IQGAP1: variants seen among roughly 807,000 people sequenced by gnomAD.
The protein encoded by IQGAP1 is IQ motif containing GTPase activating protein 1.
IQGAP1 carries 66 observed loss-of-function variants against 215.6 expected under a neutral mutation model. The observed-to-expected ratio is 0.31, with a 90% CI of 0.25 to 0.38. The LOEUF is 0.38. IQGAP1 is among the 10% of genes least tolerant of loss of function. The pLI, the probability that IQGAP1 is intolerant of heterozygous loss-of-function variation, is 1.00. For missense variants in IQGAP1, 1,712 were observed against 1,997.1 expected (o/e 0.86, Z 2.72); for synonymous variants, 772 against 728.7 (o/e 1.06, Z -0.96).
chr15:90,442,451 GAA>G (rs60524564), intron 8 of IQGAP1, among the ~76,000 whole-genome samples: 124 of 149,558 alleles, frequency 8.3e-4, no homozygotes, highest in African/African-American at 2.7e-3. Flanking sequence ...TCTCGGGGGG[GAA>G]AAAAAAAACT....
rs1231874145 is a variant in IQGAP1 at position 90,422,656 on chromosome 15, A to ATATG, written c.156-3450_156-3447dup. Among the ~76,000 whole-genome samples the ATATG allele has an allele frequency of 4.4e-5, 3 of 67,472 alleles. 1 individual carries two copies. In the East Asian group the frequency reaches 2.3e-3, roughly 52 times the overall value. The allele number at this position is 67,472 out of a possible 152,430, so 44.3% of individuals were successfully genotyped here. The stretch of plus-strand genomic sequence containing the variant: ...TATATATATGTATATGTATATATAT[A>ATATG]TATGTATATATATATATATATATAA... On this transcript the variant is annotated intron_variant, in intron 2 of 37. Coordinates refer to ENST00000268182, the MANE Select transcript of IQGAP1 (RefSeq NM_003870.4).
At position 90,428,062 on chromosome 15, in the gene IQGAP1, TGTTG is replaced by T. The variant is rs551674250; in HGVS notation, c.313-1511_313-1508del. Among the ~76,000 whole-genome samples, 9 of 152,178 alleles carry T rather than the reference TGTTG, an allele frequency of 5.9e-5. No individual in the cohort carries two copies. The South Asian group carries it at 1.2e-3, about 21-fold the overall frequency. ...TATATGTTCAGTGGGTTTTTTTTGT[TGTTG>T]GTTGGTTGGTTGGTTTTTGTTTTGA... On this transcript the variant is annotated intron_variant, in intron 3 of 37. Transcript: ENST00000268182.
intron 15 of IQGAP1, among the ~76,000 whole-genome samples, chr15:90,462,231 A>G (rs1965774203): frequency 1.3e-5 from 2 of 152,354 alleles, no homozygotes; most frequent in East Asian, 1.9e-4. Flanking sequence ...TTATGCACAC[A>G]TGCTTATATA....
chr15:90,420,822 A>C (rs544031992), intron 2 of IQGAP1, among the ~76,000 whole-genome samples: 2 of 152,324 alleles, frequency 1.3e-5, no homozygotes, highest in South Asian at 4.1e-4. Context: ...TCTCAGACTC[A>C]GGCAACCCTC....
At chr15:90,491,583 T>A (rs1226764660) in intron 34 of IQGAP1, 38 bp downstream of exon 34, 2 of 1,565,128 alleles carry the variant, frequency 1.3e-6, no homozygotes, top group East Asian at 4.5e-5. Flanking sequence ...CCGGCCTTGT[T>A]CAAAGCTGAG....
intron 23 of IQGAP1, chr15:90,474,936 A>C: frequency 2.1e-6 from 1 of 471,448 alleles, no homozygotes; most frequent in Non-Finnish European, 3.8e-6. Context: ...CAACCTCCTA[A>C]GTATCTGGGA....
intron 14 of IQGAP1, among the ~76,000 whole-genome samples, chr15:90,454,962 C>G (rs1211969594): frequency 6.6e-6 from 1 of 152,118 alleles, no homozygotes; most frequent in Non-Finnish European, 1.5e-5. Context: ...TTGGAGGATC[C>G]CTTCTACCCG....
intron 4 of IQGAP1, among the ~76,000 whole-genome samples, chr15:90,433,036 T>C (rs1297828522): frequency 6.6e-6 from 1 of 152,166 alleles, no homozygotes; most frequent in Non-Finnish European, 1.5e-5. Context: ...ATAACATAGA[T>C]CTAGCCCTGC....
intron 8 of IQGAP1, 49 bp from the exon 9 acceptor site, chr15:90,443,342 GTCT>G (rs1487886305): frequency 1.8e-6 from 2 of 1,125,712 alleles, no homozygotes; most frequent in Non-Finnish European, 1.4e-6. Flanking sequence ...TATTTATGTG[GTCT>G]TCTTAGACAC....
chr15:90,492,801 T>A, intron 35 of IQGAP1, 90 bp downstream of exon 35: 2 of 974,620 alleles, frequency 2.1e-6, no homozygotes, highest in Non-Finnish European at 3.0e-6. Context: ...AATTTTTACT[T>A]AAAATACACT....
intron 26 of IQGAP1, among the ~76,000 whole-genome samples, chr15:90,481,378 A>G (rs1171911786): frequency 6.7e-6 from 1 of 148,394 alleles, no homozygotes; most frequent in African/African-American, 2.5e-5. Context: ...TGTGCCTGGC[A>G]TAGCACTCCT....
At position 90,474,148 on chromosome 15, in the gene IQGAP1, C is replaced by T. The variant is rs374353321; in HGVS notation, c.2575+15C>T. 9.4e-6 allele frequency: 15 copies of T among 1,600,356 alleles called. No individual in the cohort carries two copies. Among genetic ancestry groups the T allele is most frequent in the Non-Finnish European group, 1.1e-5 (13 of 1,173,306 alleles). ...CAAGACTCTCAGTGAGTAACTGGCT[C>T]CGCATGAAGAGTTGAGGCAGTGGCT... On this transcript the variant is annotated intron_variant, in intron 22 of 37. Coordinates refer to ENST00000268182, the MANE Select transcript of IQGAP1 (RefSeq NM_003870.4).
chr15:90,481,840 G>A, intron 26 of IQGAP1, 120 bp from the exon 27 acceptor site: 1 of 1,033,712 alleles, frequency 9.7e-7, no homozygotes, highest in Non-Finnish European at 1.4e-6. Context: ...AGCCCCGTGA[G>A]GATGAGCTTA....
intron 17 of IQGAP1, 116 bp from the exon 18 acceptor site, chr15:90,467,334 C>G: frequency 9.8e-7 from 1 of 1,020,226 alleles, no homozygotes; most frequent in Non-Finnish European, 1.4e-6. Context: ...CAAGGAGCAG[C>G]TTTTGGAGTG....
At chr15:90,469,739 A>AG (rs1159778204) in intron 18 of IQGAP1, among the ~76,000 whole-genome samples, 2 of 152,220 alleles carry the variant, frequency 1.3e-5, no homozygotes, top group Admixed American at 1.3e-4. Context: ...TTAGCAGCTG[A>AG]GGAAAAAAAG....
At chr15:90,486,898 C>T in intron 31 of IQGAP1, 56 bp from the exon 32 acceptor site, 3 of 1,531,100 alleles carry the variant, frequency 2.0e-6, no homozygotes, top group Admixed American at 1.8e-5. Context: ...TATTATTTCC[C>T]CCCAATATCT....
intron 35 of IQGAP1, chr15:90,494,245 T>G (rs959295428): frequency 1.3e-5 from 2 of 152,518 alleles, no homozygotes; most frequent in Admixed American, 6.5e-5. Context: ...AACCTGTTTC[T>G]TTTTCCTTAT....
At chr15:90,472,256 C>T (rs1596283762) in intron 18 of IQGAP1, among the ~76,000 whole-genome samples, 2 of 152,292 alleles carry the variant, frequency 1.3e-5, no homozygotes, top group African/African-American at 4.8e-5. Flanking sequence ...GCCTGGATGA[C>T]AGAATGAAAC....
intron 9 of IQGAP1, among the ~76,000 whole-genome samples, chr15:90,445,160 A>T (rs1043157545): frequency 6.6e-6 from 1 of 151,892 alleles, no homozygotes; most frequent in Non-Finnish European, 1.5e-5. Flanking sequence ...TTAAAAAAGA[A>T]TCTGGCTCTG....
Sources: allele counts gnomAD v4.1 joint callset (sites outside exome capture counted in the v4.1 genomes callset), GRCh38; gene constraint gnomAD v4.1.1; transcripts MANE v1.5; gene names NCBI Gene and HGNC (gene_info 2026-07-23, HGNC 2026-07-21).